The following OR9Q1 variants were observed in gnomAD, a reference collection of about 807,000 sequenced individuals.
OR9Q1 encodes the protein olfactory receptor 9Q1.
For synonymous variants in OR9Q1, 153 were observed against 148.6 expected, an observed-to-expected ratio of 1.03 and a Z score of -0.22; for missense variants, 374 against 378.8, an observed-to-expected ratio of 0.99 and a Z score of 0.11.
chr11:58,105,285 C>T (rs988028038), intron 2 of OR9Q1, among the ~76,000 whole-genome samples: 6 of 152,156 alleles, frequency 3.9e-5, no homozygotes, highest in South Asian at 2.1e-4. Flanking sequence ...AATGAAATGA[C>T]GACAATGCTC....
intron 2 of OR9Q1, among the ~76,000 whole-genome samples, chr11:58,139,769 C>T (rs1854226451): frequency 6.6e-6 from 1 of 152,030 alleles, no homozygotes; most frequent in African/African-American, 2.4e-5. Flanking sequence ...TTTATAGCAG[C>T]AAGTTTTATA....
At chr11:58,155,241 C>T (rs928976911) in intron 2 of OR9Q1, among the ~76,000 whole-genome samples, 2 of 152,100 alleles carry the variant, frequency 1.3e-5, no homozygotes, top group Admixed American at 6.5e-5. Context: ...AGTTCTTCAA[C>T]TTACGGGATG....
Position 58,029,844 on chromosome 11 carries a change from T to TC in OR9Q1, c.-93+5740_-93+5741insC, listed in dbSNP as rs386373861. 5.1e-3 allele frequency among the ~76,000 whole-genome samples: 151 copies of TC among 29,860 alleles called. 2 individuals carry two copies. The highest frequency in any genetic ancestry group is 0.011 in the African/African-American group (133 of 11,916). The allele number at this position is 29,860 out of a possible 152,430, so 19.6% of individuals were successfully genotyped here. A position where few individuals can be genotyped will look rare whatever the true frequency, so the allele number is the denominator to read the frequency against. ...CTAACCCAGCCTTCCTGCCTCCTCC[T>TC]TTTTTTTTTTTTTTTGACATTAAGT... On this transcript the variant is annotated intron_variant, in intron 1 of 2. Transcript: ENST00000335397.
At chr11:58,156,174 A>G (rs1445555023) in intron 2 of OR9Q1, among the ~76,000 whole-genome samples, 1 of 152,088 alleles carries the variant, frequency 6.6e-6, no homozygotes, top group Non-Finnish European at 1.5e-5. Context: ...CGGCCTCCCA[A>G]AGTGCTAGGA....
intron 1 of OR9Q1, among the ~76,000 whole-genome samples, chr11:58,037,881 G>A (rs965190627): frequency 7.4e-6 from 1 of 135,618 alleles, no homozygotes; most frequent in Non-Finnish European, 1.6e-5. Flanking sequence ...ACCACGCCTG[G>A]CTAATTTTTT....
intron 2 of OR9Q1, among the ~76,000 whole-genome samples, chr11:58,095,905 G>C (rs1417022688): frequency 2.6e-5 from 4 of 152,138 alleles, no homozygotes; most frequent in Admixed American, 6.5e-5. Flanking sequence ...TGACAACTCT[G>C]TTCCATGCAT....
chr11:58,032,064 A>C (rs1162528184), intron 1 of OR9Q1: 1 of 564,622 alleles, frequency 1.8e-6, no homozygotes, highest in East Asian at 2.8e-5. Context: ...AGTGAAAGAT[A>C]TTTATAAGGG....
At chr11:58,116,101 C>T (rs1004434017) in intron 2 of OR9Q1, among the ~76,000 whole-genome samples, 10 of 152,180 alleles carry the variant, frequency 6.6e-5, no homozygotes, top group Non-Finnish European at 1.2e-4. Flanking sequence ...CAGCCCAGGG[C>T]CCATAGGGTG....
intron 2 of OR9Q1, among the ~76,000 whole-genome samples, chr11:58,080,584 C>T (rs1853578219): frequency 6.6e-6 from 1 of 152,142 alleles, no homozygotes; most frequent in African/African-American, 2.4e-5. Context: ...TCCACTGTGG[C>T]TGAACTAATT....
intron 2 of OR9Q1, among the ~76,000 whole-genome samples, chr11:58,092,583 C>G (rs1351958755): frequency 6.6e-6 from 1 of 152,072 alleles, no homozygotes; most frequent in Non-Finnish European, 1.5e-5. Context: ...TGCTACAAGT[C>G]GATATATTCT....
At chr11:58,169,540 A>C (rs1423066218) in intron 2 of OR9Q1, among the ~76,000 whole-genome samples, 1 of 152,172 alleles carries the variant, frequency 6.6e-6, no homozygotes, top group Non-Finnish European at 1.5e-5. Flanking sequence ...ACAGGTGTGC[A>C]ACAAAAATAA....
intron 2 of OR9Q1, among the ~76,000 whole-genome samples, chr11:58,080,505 C>T (rs1021614908): frequency 4.6e-5 from 7 of 152,162 alleles, no homozygotes; most frequent in African/African-American, 1.7e-4. Context: ...GGGTAGATAC[C>T]TAATAGTGGG....
intron 2 of OR9Q1, among the ~76,000 whole-genome samples, chr11:58,111,265 G>A (rs370975245): frequency 6.6e-6 from 1 of 152,132 alleles, no homozygotes; most frequent in East Asian, 1.9e-4. Context: ...ATGGAAGGGA[G>A]TCCTAGAGTA....
intron 1 of OR9Q1, among the ~76,000 whole-genome samples, chr11:58,053,829 A>T (rs1157719773): frequency 6.6e-6 from 1 of 151,822 alleles, no homozygotes; most frequent in African/African-American, 2.4e-5. Context: ...CAGAAAAGGG[A>T]GTTTGCACCA....
chr11:58,082,755 T>C (rs1853600420), intron 2 of OR9Q1, among the ~76,000 whole-genome samples: 1 of 129,478 alleles, frequency 7.7e-6, no homozygotes, highest in Non-Finnish European at 1.7e-5. Flanking sequence ...ATAATAATAA[T>C]AATAATAATA....
intron 2 of OR9Q1, among the ~76,000 whole-genome samples, chr11:58,161,928 C>G (rs1854461418): frequency 6.6e-6 from 1 of 152,204 alleles, no homozygotes; most frequent in Admixed American, 6.5e-5. Context: ...ACAGCAAGCT[C>G]AAGGTTCCTC....
intron 2 of OR9Q1, among the ~76,000 whole-genome samples, chr11:58,131,016 T>A (rs906534274): frequency 6.6e-6 from 1 of 152,172 alleles, no homozygotes; most frequent in African/African-American, 2.4e-5. Flanking sequence ...TGACCCAAAT[T>A]ACTTTGGTGC....
chr11:58,119,564 A>G, intron 2 of OR9Q1: 1 of 672,084 alleles, frequency 1.5e-6, no homozygotes, highest in Non-Finnish European at 2.5e-6. Context: ...GTCTATTTGT[A>G]GAGTTTGTTT....
intron 2 of OR9Q1, among the ~76,000 whole-genome samples, chr11:58,162,480 C>T (rs949605610): frequency 1.3e-5 from 2 of 152,040 alleles, no homozygotes; most frequent in African/African-American, 2.4e-5. Flanking sequence ...CTATGCCACG[C>T]TATGGTAGTT....
Sources: allele counts gnomAD v4.1 joint callset (sites outside exome capture counted in the v4.1 genomes callset), GRCh38; gene constraint gnomAD v4.1.1; transcripts MANE v1.5; gene names NCBI Gene and HGNC (gene_info 2026-07-23, HGNC 2026-07-21).